RNASEH2A: variants seen among roughly 807,000 people sequenced by gnomAD.
RNASEH2A encodes RNase H(35).
Under a neutral mutation model 32.7 loss-of-function variants are expected in RNASEH2A, and 30 were observed. That is an observed-to-expected ratio of 0.92 (90% CI 0.69 to 1.25). The LOEUF is 1.25. Ranked by LOEUF, RNASEH2A falls within the 50% of genes most tolerant of loss-of-function variation. The pLI, the probability that RNASEH2A is intolerant of heterozygous loss-of-function variation, is 0.00. For missense variants in RNASEH2A, 409 were observed against 398.1 expected, an observed-to-expected ratio of 1.03 and a Z score of -0.23; for synonymous variants, 147 against 165.4, an observed-to-expected ratio of 0.89 and a Z score of 0.86.
chr19:12,808,940 G>A (rs1969034645), intron 4 of RNASEH2A, among the ~76,000 whole-genome samples: 1 of 152,004 alleles, frequency 6.6e-6, no homozygotes, highest in Non-Finnish European at 1.5e-5. Context: ...GAAGAAGAAA[G>A]AAAGGAATTA....
rs1165751273 is a variant in RNASEH2A, at chr19:12,813,388, T to C, written c.822T>C (p.Asn274=). The change falls in exon 8 of 8, where the codon AAT becomes AAC. Residue 274 remains asparagine, a synonymous_variant. Transcript: ENST00000221486. The stretch of plus-strand genomic sequence containing the variant: ...GGAAGATCACATCCTACTTCCTCAA[T>C]GAAGGGTCCCAAGCCCGTCCCCGTT... ...GLRKITSYFL[N]EGSQARPRSS... 3 of 1,614,036 alleles carry C rather than the reference T, an allele frequency of 1.9e-6. No individual in the cohort carries two copies. Among genetic ancestry groups the C allele is most frequent in the Non-Finnish European group, 2.5e-6 (3 of 1,180,032 alleles).
chr19:12,810,765 G>C (rs1969061314), intron 6 of RNASEH2A, among the ~76,000 whole-genome samples: 1 of 152,030 alleles, frequency 6.6e-6, no homozygotes, highest in African/African-American at 2.4e-5. Context: ...CCTGACCTCA[G>C]GTGATCTGCC....
chr19:12,806,896 G>A (rs1214762710), intron 1 of RNASEH2A, 96 bp downstream of exon 1: 2 of 1,596,512 alleles, frequency 1.3e-6, no homozygotes, highest in African/African-American at 2.7e-5. Context: ...GGATGTGGTC[G>A]TGGTGATGGC....
In RNASEH2A at chr19:12,807,475, A is replaced by G. The variant is rs1969011760; in HGVS notation, c.380A>G (p.Tyr127Cys). Residue 127 changes from tyrosine to cysteine, a missense_variant, in exon 4 of 8, where the codon TAT (tyrosine) becomes TGT (cysteine). Tyr to Cys is a radical substitution (Grantham distance 194). Coordinates refer to ENST00000221486, the MANE Select transcript of RNASEH2A (RefSeq NM_006397.3). The part of the protein sequence containing the change: ...SHDTATGLIQ[Y>C]ALDQGVNVTQ... ...GATACAGCCACTGGGCTTATACAGT[A>G]TGCATTGGACCAGGGCGTGAACGTC... 1.2e-6 allele frequency: 2 copies of G among 1,614,198 alleles called. No homozygotes were observed. Among genetic ancestry groups the G allele is most frequent in the Non-Finnish European group, 1.7e-6 (2 of 1,180,034 alleles).
chr19:12,807,336 G>T lies in RNASEH2A; in HGVS notation c.323+7G>T. 1 of 1,614,162 alleles carries T rather than the reference G, an allele frequency of 6.2e-7. No individual in the cohort carries two copies. The highest frequency in any genetic ancestry group is 8.5e-7 in the Non-Finnish European group (1 of 1,180,038). On this transcript the variant is annotated splice_region_variant and intron_variant, in intron 3 of 7. Transcript: ENST00000221486. Reference sequence around the variant, plus strand: ...CTACCAGCATGCTTGGGCGGTGAGGGGTCCCCGGGAGGGGCAGCCAGCATG... The same window carrying T: ...CTACCAGCATGCTTGGGCGGTGAGGTGTCCCCGGGAGGGGCAGCCAGCATG...
chr19:12,806,829 G>A (rs1311320575), intron 1 of RNASEH2A, 29 bp downstream of exon 1: 1 of 1,589,778 alleles, frequency 6.3e-7, no homozygotes, highest in Non-Finnish European at 8.6e-7. Context: ...GGAGGGGAGG[G>A]GCGTGGTACG....
At position 12,807,497 on chromosome 19, in the gene RNASEH2A, C is replaced by A; in HGVS notation, c.402C>A (p.Asn134Lys). 6.2e-7 allele frequency: 1 copy of A among 1,613,766 alleles called. No homozygotes were observed. Among genetic ancestry groups the A allele is most frequent in the Non-Finnish European group, 8.5e-7 (1 of 1,179,684 alleles). Residue 134 changes from asparagine (N) to lysine (K), a missense_variant, in exon 4 of 8, where the codon AAC becomes AAA. Asn to Lys is a moderately conservative substitution (Grantham distance 94). Coordinates refer to ENST00000221486, the MANE Select transcript of RNASEH2A (RefSeq NM_006397.3). ...LIQYALDQGVNVTQVFVDTVG... is the reference protein window; with the variant it reads ...LIQYALDQGVKVTQVFVDTVG... The stretch of plus-strand genomic sequence containing the variant: ...AGTATGCATTGGACCAGGGCGTGAA[C>A]GTCACCCAGGTGAGTTAACTGTAAG...
chr19:12,806,938 T>C, intron 1 of RNASEH2A, 70 bp from the exon 2 acceptor site: 1 of 1,606,144 alleles, frequency 6.2e-7, no homozygotes. Flanking sequence ...AGAACAGGGA[T>C]GAATGGCAAC....
rs753331065 is a variant in RNASEH2A, at chr19:12,807,368, C to T, written c.323+39C>T. On this transcript the variant is annotated intron_variant, in intron 3 of 7. Coordinates refer to ENST00000221486, the MANE Select transcript of RNASEH2A (RefSeq NM_006397.3). ...GGGAGGGGCAGCCAGCATGGGCTGA[C>T]CAAGCTTTGTTCCTAGAATGAGATT... 1.5e-5 allele frequency: 24 copies of T among 1,614,166 alleles called. No individual in the cohort carries two copies. In the East Asian group the frequency reaches 5.3e-4, roughly 36 times the overall value.
In RNASEH2A at chr19:12,806,624, C is replaced by T. The variant is rs778982273; in HGVS notation, c.-50C>T. On this transcript the variant is annotated 5_prime_UTR_variant, in exon 1 of 8. Coordinates refer to ENST00000221486, the MANE Select transcript of RNASEH2A (RefSeq NM_006397.3). ...GCCCGCGGAAAACGCGCGCCGAGAC[C>T]CGCTCCTGCAGTATTAGTTCTTGCA... is the stretch of plus-strand genomic sequence containing the variant. 39 of 1,556,812 alleles carry T rather than the reference C, an allele frequency of 2.5e-5. No individual in the cohort carries two copies. Among genetic ancestry groups the T allele is most frequent in the South Asian group, 2.2e-4 (19 of 84,476 alleles).
Position 12,810,039 on chromosome 19 carries a change from G to A in RNASEH2A, c.412-32G>A, listed in dbSNP as rs559800614. The A allele has an allele frequency of 1.9e-4, 300 of 1,613,884 alleles. 1 individual carries two copies. The South Asian group carries it at 3.1e-3, about 16-fold the overall frequency. On this transcript the variant is annotated intron_variant, in intron 4 of 7. Coordinates refer to ENST00000221486, the MANE Select transcript of RNASEH2A (RefSeq NM_006397.3). ...GGCTAGAGCATTGGTACAGTTGTTT[G>A]TTCAATTAATATGTGTCTGTTGCTG...
In RNASEH2A at chr19:12,813,595, C is replaced by G; in HGVS notation, c.*129C>G. 8.7e-7 allele frequency: 1 copy of G among 1,155,470 alleles called. No individual in the cohort carries two copies. Among genetic ancestry groups the G allele is most frequent in the Non-Finnish European group, 1.3e-6 (1 of 782,858 alleles). 71.6% of individuals were successfully genotyped at this position (1,155,470 alleles called of 1,614,324 possible). A position where few individuals can be genotyped will look rare whatever the true frequency, so the allele number is the denominator to read the frequency against. On this transcript the variant is annotated 3_prime_UTR_variant, in exon 8 of 8. Coordinates refer to ENST00000221486, the MANE Select transcript of RNASEH2A (RefSeq NM_006397.3). ...GAGTGTGCTCTGCAGCCGGGTCCAG[C>G]TACTTCCTTTTGGAACCTTAAATAG...
rs570451281 is a variant in RNASEH2A at position 12,806,596 on chromosome 19, G to A, written c.-78G>A. 2.8e-5 allele frequency: 43 copies of A among 1,543,952 alleles called. No individual in the cohort carries two copies. The East Asian group carries it at 9.5e-4, about 34-fold the overall frequency. On this transcript the variant is annotated 5_prime_UTR_variant, in exon 1 of 8. Coordinates refer to ENST00000221486, the MANE Select transcript of RNASEH2A (RefSeq NM_006397.3). ...ATTGGCCGGAAGCAGGCGCCGCTTC[G>A]AGGCCCGCGGAAAACGCGCGCCGAG...
rs549135896 is a variant in RNASEH2A, at chr19:12,806,908, C to A, written c.128-100C>A. 3.3e-5 allele frequency: 52 copies of A among 1,598,682 alleles called. No homozygotes were observed. The South Asian group carries it at 5.3e-4, about 16-fold the overall frequency. The stretch of plus-strand genomic sequence containing the variant: ...AGGGGATGTGGTCGTGGTGATGGCA[C>A]CTAAAGAAGCAGTGATGATAGAACA... On this transcript the variant is annotated intron_variant, in intron 1 of 7. Transcript: ENST00000221486.
intron 6 of RNASEH2A, among the ~76,000 whole-genome samples, chr19:12,811,307 T>C (rs1969067275): frequency 6.6e-6 from 1 of 152,118 alleles, no homozygotes; most frequent in Non-Finnish European, 1.5e-5. Flanking sequence ...TGGGCATTTG[T>C]CCCTTTGTTA....
chr19:12,808,424 C>T (rs1236652232), intron 4 of RNASEH2A, among the ~76,000 whole-genome samples: 1 of 151,898 alleles, frequency 6.6e-6, no homozygotes, highest in Non-Finnish European at 1.5e-5. Context: ...GTCCCGTCTC[C>T]ATCTAATCTC....
Position 12,806,604 on chromosome 19 carries a change from C to A in RNASEH2A, c.-70C>A, listed in dbSNP as rs1029839889. The stretch of plus-strand genomic sequence containing the variant: ...GAAGCAGGCGCCGCTTCGAGGCCCG[C>A]GGAAAACGCGCGCCGAGACCCGCTC... On this transcript the variant is annotated 5_prime_UTR_variant, in exon 1 of 8. Transcript: ENST00000221486. 6.5e-7 allele frequency: 1 copy of A among 1,547,998 alleles called. No individual in the cohort carries two copies. The highest frequency in any genetic ancestry group is 1.4e-5 in the African/African-American group (1 of 73,040).
rs1969053208 is a variant in RNASEH2A, at chr19:12,810,209, G to A, written c.549+1G>A. The A allele has an allele frequency of 3.1e-6, 5 of 1,614,232 alleles. No individual in the cohort carries two copies. Among genetic ancestry groups the A allele is most frequent in the African/African-American group, 1.3e-5 (1 of 75,064 alleles). ...TAGTGCTGCCAGCATCTGTGCCAAG[G>A]TCAGTACCCTACTAGCCATGGCTGG... On this transcript the variant is annotated splice_donor_variant, in intron 5 of 7. Coordinates refer to ENST00000221486, the MANE Select transcript of RNASEH2A (RefSeq NM_006397.3). LOFTEE classifies it high-confidence loss of function.
At chr19:12,808,183 C>T (rs983170925) in intron 4 of RNASEH2A, among the ~76,000 whole-genome samples, 3 of 151,968 alleles carry the variant, frequency 2.0e-5, no homozygotes, top group Non-Finnish European at 2.9e-5. Flanking sequence ...ACCCGGGAGG[C>T]GGAGGTTGCA....
Sources: gnomAD v4.1 joint callset for allele counts (sites outside exome capture counted in the v4.1 genomes callset) on GRCh38, gnomAD v4.1.1 for gene constraint, MANE v1.5 for transcripts, NCBI Gene and HGNC (gene_info 2026-07-23, HGNC 2026-07-21) for gene names.